The following FAM193A variants were observed in gnomAD, a reference collection of about 807,000 sequenced individuals.
FAM193A encodes family with sequence similarity 193 member A, also known as protein FAM193A.
A neutral mutation model predicts 126.5 loss-of-function variants in FAM193A; 22 were observed. That is an observed-to-expected ratio of 0.17 (90% CI 0.12 to 0.25). The LOEUF is 0.25. Ranked by LOEUF, FAM193A falls within the 10% of genes least tolerant of loss-of-function variation. The pLI is 1.00. For synonymous variants in FAM193A, 761 were observed against 646.8 expected (o/e 1.18, Z -2.68); for missense variants, 1,675 against 1,672.8 (o/e 1.00, Z -0.02).
chr4:2,662,057 C>G, intron 10 of FAM193A, among the ~76,000 whole-genome samples: 1 of 152,042 alleles, frequency 6.6e-6, no homozygotes, highest in East Asian at 1.9e-4. Flanking sequence ...GTGGCGGGTG[C>G]TTGTAGTCCC....
At chr4:2,696,938 A>G (rs1315657985) in intron 18 of FAM193A, among the ~76,000 whole-genome samples, 1 of 152,108 alleles carries the variant, frequency 6.6e-6, no homozygotes, top group African/African-American at 2.4e-5. Flanking sequence ...GATAGAAGAA[A>G]GGCCCAGGTG....
chr4:2,624,170 A>G (rs1477777012), intron 2 of FAM193A, among the ~76,000 whole-genome samples: 1 of 151,182 alleles, frequency 6.6e-6, no homozygotes, highest in East Asian at 1.9e-4. Flanking sequence ...TCTTTGCCCA[A>G]TGTTCTCTCT....
At chr4:2,569,622 C>T (rs1003722805) in intron 1 of FAM193A, among the ~76,000 whole-genome samples, 1 of 152,000 alleles carries the variant, frequency 6.6e-6, no homozygotes, top group Admixed American at 6.6e-5. Flanking sequence ...CTCTGCCTCC[C>T]GAGTAGCTGG....
intron 12 of FAM193A, among the ~76,000 whole-genome samples, chr4:2,668,466 C>T (rs932857881): frequency 6.6e-6 from 1 of 152,062 alleles, no homozygotes; most frequent in South Asian, 2.1e-4. Flanking sequence ...CTACCTCAGC[C>T]TCCCAAAGTG....
chr4:2,672,450 CTG>C, intron 13 of FAM193A, 78 bp downstream of exon 13: 1 of 1,517,422 alleles, frequency 6.6e-7, no homozygotes, highest in South Asian at 1.2e-5. Context: ...ACAAAGAAAT[CTG>C]TGAATTAGCA....
chr4:2,598,142 C>A (rs937932018), intron 2 of FAM193A, among the ~76,000 whole-genome samples: 1 of 152,220 alleles, frequency 6.6e-6, no homozygotes, highest in Non-Finnish European at 1.5e-5. Flanking sequence ...ATCCGCCCGC[C>A]TCTGCCTTCC....
rs138901667 is a variant in FAM193A, at chr4:2,548,272, T to C, written c.255+11102T>C. ...TTTTAGTAGAGATGGGGCTTCACCA[T>C]GTTGGCCAGACTGGTCTTGAACTCC... On this transcript the variant is annotated intron_variant, in intron 1 of 20. Coordinates refer to ENST00000637812, the MANE Select transcript of FAM193A (RefSeq NM_001366318.2). Among the ~76,000 whole-genome samples, 429 of 151,914 alleles carry C rather than the reference T, an allele frequency of 2.8e-3. 1 individual carries two copies. Among genetic ancestry groups the C allele is most frequent in the African/African-American group, 7.8e-3 (322 of 41,456 alleles).
intron 2 of FAM193A, among the ~76,000 whole-genome samples, chr4:2,613,574 C>A (rs953604329): frequency 6.6e-6 from 1 of 151,758 alleles, no homozygotes; most frequent in Non-Finnish European, 1.5e-5. Context: ...CTGCCTCAGC[C>A]TCCCGAGTAG....
At chr4:2,728,895 ACTTT>A (rs1721059768) in intron 20 of FAM193A, among the ~76,000 whole-genome samples, 1 of 105,710 alleles carries the variant, frequency 9.5e-6, no homozygotes, top group African/African-American at 4.7e-5. Flanking sequence ...CACCTCCAAA[ACTTT>A]TTTTTTTTTT....
At chr4:2,601,104 A>G (rs1359158836) in intron 2 of FAM193A, among the ~76,000 whole-genome samples, 1 of 152,188 alleles carries the variant, frequency 6.6e-6, no homozygotes, top group Non-Finnish European at 1.5e-5. Flanking sequence ...TGGGCAGCAC[A>G]GTGAGACCCC....
intron 5 of FAM193A, among the ~76,000 whole-genome samples, chr4:2,634,435 C>T (rs910444194): frequency 2.6e-5 from 4 of 152,100 alleles, no homozygotes; most frequent in Non-Finnish European, 4.4e-5. Flanking sequence ...AGTCATAAAA[C>T]ACAAGGTTCA....
rs529251859 is a variant in FAM193A, at chr4:2,658,454, T to C, written c.1389+574T>C. Among the ~76,000 whole-genome samples, 4 of 152,266 alleles carry C rather than the reference T, an allele frequency of 2.6e-5. No homozygotes were observed. The South Asian group carries it at 8.3e-4, about 32-fold the overall frequency. On this transcript the variant is annotated intron_variant, in intron 8 of 20. Coordinates refer to ENST00000637812, the MANE Select transcript of FAM193A (RefSeq NM_001366318.2). The stretch of plus-strand genomic sequence containing the variant: ...TGGGCAGAGCTTGCTAGTGATGTCC[T>C]GTATCTGGTCTGGGGGCCCTTGGCT...
chr4:2,696,258 AT>A, intron 17 of FAM193A, 104 bp from the exon 18 acceptor site: 3 of 738,494 alleles, frequency 4.1e-6, no homozygotes, highest in Non-Finnish European at 6.6e-6. Flanking sequence ...CACAACAAAT[AT>A]ATACTACTTG....
intron 2 of FAM193A, among the ~76,000 whole-genome samples, chr4:2,615,664 G>A (rs1248644421): frequency 6.6e-6 from 1 of 151,750 alleles, no homozygotes; most frequent in African/African-American, 2.4e-5. Context: ...GACTACAGGC[G>A]TGCGCCACCA....
chr4:2,578,644 A>T (rs569535348), intron 1 of FAM193A, among the ~76,000 whole-genome samples: 14 of 152,136 alleles, frequency 9.2e-5, no homozygotes, highest in South Asian at 8.3e-4. Context: ...ATACCTTTCA[A>T]CTCTCCAAAA....
chr4:2,714,381 G>A (rs535684601), intron 19 of FAM193A, among the ~76,000 whole-genome samples: 29 of 152,234 alleles, frequency 1.9e-4, no homozygotes, highest in African/African-American at 6.7e-4. Context: ...CCGCTATTCT[G>A]TGCCAGGATT....
At chr4:2,709,352 C>T (rs1287227369) in intron 19 of FAM193A, among the ~76,000 whole-genome samples, 5 of 152,060 alleles carry the variant, frequency 3.3e-5, no homozygotes, top group South Asian at 2.1e-4. Flanking sequence ...CTGTGACTTC[C>T]GTTTTTGTTC....
intron 1 of FAM193A, among the ~76,000 whole-genome samples, chr4:2,556,134 G>T (rs982647394): frequency 6.6e-6 from 1 of 152,088 alleles, no homozygotes; most frequent in Non-Finnish European, 1.5e-5. Context: ...GATCTCAGGT[G>T]ATCCGTCCGC....
rs1166435146 is a variant in FAM193A at position 2,625,244 on chromosome 4, G to A, written c.502-18G>A. On this transcript the variant is annotated intron_variant, in intron 2 of 20. Coordinates refer to ENST00000637812, the MANE Select transcript of FAM193A (RefSeq NM_001366318.2). ...CATTTTAACATAACTGGTCTATTCTGTTCTCTTTTTAAAACAGAGCCAAGA... is the reference window on the plus strand; with the variant it reads ...CATTTTAACATAACTGGTCTATTCTATTCTCTTTTTAAAACAGAGCCAAGA... The A allele has an allele frequency of 1.4e-6, 1 of 697,400 alleles. No individual in the cohort carries two copies. Among genetic ancestry groups the A allele is most frequent in the Non-Finnish European group, 2.6e-6 (1 of 381,534 alleles). The allele number at this position is 697,400 out of a possible 1,614,324, so 43.2% of individuals were successfully genotyped here.
Sources: gnomAD v4.1 joint callset for allele counts (sites outside exome capture counted in the v4.1 genomes callset) on GRCh38, gnomAD v4.1.1 for gene constraint, MANE v1.5 for transcripts, NCBI Gene and HGNC (gene_info 2026-07-23, HGNC 2026-07-21) for gene names.